Variants in PPA1 observed in about 807,000 individuals in gnomAD.
The protein encoded by PPA1 is inorganic pyrophosphatase.
In PPA1, 23 loss-of-function variants were observed where a neutral mutation model predicts 41.8. The ratio of observed to expected loss-of-function variants is 0.55; its 90% CI spans 0.40 to 0.78. The LOEUF is 0.78. Among genes scored for constraint, PPA1 ranks in the 30% least tolerant of loss-of-function variants. The pLI, the probability that PPA1 is intolerant of heterozygous loss-of-function variation, is 0.00. For missense variants in PPA1, 320 were observed against 361.6 expected (o/e 0.89, Z 0.93); for synonymous variants, 101 against 116.8 (o/e 0.86, Z 0.87).
intron 4 of PPA1, among the ~76,000 whole-genome samples, chr10:70,215,110 G>A (rs56366736): frequency 0.065 from 9,848 of 152,212 alleles, 438 homozygotes; most frequent in African/African-American, 0.13. Context: ...CAGGAGAATC[G>A]CTTGAACCCA....
At chr10:70,221,949 GA>G (rs1260966638) in intron 2 of PPA1, among the ~76,000 whole-genome samples, 80 of 152,082 alleles carry the variant, frequency 5.3e-4, no homozygotes, top group Admixed American at 8.5e-4. Context: ...TAATGGGAAG[GA>G]AAAAAATAAC....
At chr10:70,218,017 T>C in intron 3 of PPA1, 86 bp from the exon 4 acceptor site, 1 of 1,165,210 alleles carries the variant, frequency 8.6e-7, no homozygotes, top group Non-Finnish European at 1.2e-6. Flanking sequence ...TTATGGTACC[T>C]ATGTTCCCTA....
chr10:70,212,886 C>T (rs182233485), intron 6 of PPA1, among the ~76,000 whole-genome samples: 2 of 149,672 alleles, frequency 1.3e-5, no homozygotes, highest in Admixed American at 6.7e-5. Flanking sequence ...ATCCTGAAGA[C>T]ACTTACTTCG....
At chr10:70,220,257 T>C (rs1840123395) in intron 2 of PPA1, among the ~76,000 whole-genome samples, 3 of 141,596 alleles carry the variant, frequency 2.1e-5, no homozygotes, top group South Asian at 4.4e-4. Context: ...AAAGTACTTT[T>C]TTTTTTTTTT....
At chr10:70,218,093 C>T (rs774717852) in intron 3 of PPA1, among the ~76,000 whole-genome samples, 162 bp from the exon 4 acceptor site, 4 of 151,956 alleles carry the variant, frequency 2.6e-5, no homozygotes, top group African/African-American at 9.7e-5. Flanking sequence ...TTTCCATAAT[C>T]GGCCATTAAG....
intron 2 of PPA1, 54 bp from the exon 3 acceptor site, chr10:70,218,871 G>C: frequency 7.8e-7 from 1 of 1,288,656 alleles, no homozygotes; most frequent in Non-Finnish European, 1.1e-6. Context: ...TGTTCTCTGA[G>C]GGAGCATGCA....
rs1466496820 is a variant in PPA1, at chr10:70,218,834, A to C, written c.124-17T>G. ...AAACACATCCTGAAAAAACAAAGAG[A>C]AAGTGAGATGGTCACAGGAGCCAAT... On this transcript the variant is annotated splice_polypyrimidine_tract_variant and intron_variant, in intron 2 of 10. Transcript: ENST00000373232. The C allele has an allele frequency of 1.2e-6, 2 of 1,605,364 alleles. No individual in the cohort carries two copies. Among genetic ancestry groups the C allele is most frequent in the Non-Finnish European group, 1.7e-6 (2 of 1,172,914 alleles).
chr10:70,225,629 T>C (rs1840221765), intron 2 of PPA1, among the ~76,000 whole-genome samples: 1 of 150,412 alleles, frequency 6.6e-6, no homozygotes, highest in African/African-American at 2.4e-5. Context: ...AGCAAGAAAC[T>C]AATCCAAACC....
chr10:70,210,512 C>A, intron 6 of PPA1: 1 of 1,095,624 alleles, frequency 9.1e-7, no homozygotes. Context: ...AGGCACTGTA[C>A]ATAACAATAC....
chr10:70,233,292 G>T lies in PPA1; in HGVS notation c.36C>A (p.Pro12=). The change falls in exon 1 of 11, where the codon CCC becomes CCA. Residue 12 remains proline (P), a synonymous_variant. Coordinates refer to ENST00000373232, the MANE Select transcript of PPA1 (RefSeq NM_021129.4). ...SGFSTEERAA[P]FSLEYRVFLK... ...GGAAGACTCGGTACTCCAGGGAGAA[G>T]GGCGCGGCGCGCTCCTCGGTGCTGA... 6.5e-7 allele frequency: 1 copy of T among 1,543,036 alleles called. No homozygotes were observed.
At chr10:70,206,882 GAGGGGAGGGGAGGGGAGGAGAGGAC>G (rs1564580263) in intron 8 of PPA1, among the ~76,000 whole-genome samples, 28 of 84,154 alleles carry the variant, frequency 3.3e-4, no homozygotes, top group African/African-American at 5.8e-4. Context: ...GAGGGGAGGG[GAGGGGAGGGGAGGGGAGGAGAGGAC>G]GAAAGAAACT....
In PPA1 at chr10:70,209,269, T is replaced by C. The variant is rs768193013; in HGVS notation, c.661A>G (p.Lys221Glu). 1 of 1,597,136 alleles carries C rather than the reference T, an allele frequency of 6.3e-7. No homozygotes were observed. The highest frequency in any genetic ancestry group is 8.6e-7 in the Non-Finnish European group (1 of 1,165,650). Residue 221 changes from lysine (K) to glutamate (E), a missense_variant, in exon 8 of 11, where the codon AAA becomes GAA. Coordinates refer to ENST00000373232, the MANE Select transcript of PPA1 (RefSeq NM_021129.4). ...GCTTTCCAATGGTCATGAGTGCTTTTAATAATATCAATGGCAAAGTCCTAT... is the reference window on the plus strand; with the variant it reads ...GCTTTCCAATGGTCATGAGTGCTTTCAATAATATCAATGGCAAAGTCCTAT... ...KDKDFAIDII[K>E]STHDHWKALV... is the part of the protein sequence containing the mutation.
rs952892491 is a variant in PPA1, at chr10:70,210,561, A to T, written c.512-876T>A. ...GACAGAAAAGTGCACTGCTTTAAAA[A>T]TTTTAAGTTTCTGTATAGCCATCAA... On this transcript the variant is annotated intron_variant, in intron 6 of 10. Transcript: ENST00000373232. 7 of 647,462 alleles carry T rather than the reference A, an allele frequency of 1.1e-5. No individual in the cohort carries two copies. The African/African-American group carries it at 1.2e-4, about 11-fold the overall frequency. The allele number at this position is 647,462 out of a possible 1,614,324, so 40.1% of individuals were successfully genotyped here.
rs970633434 is a variant in PPA1, at chr10:70,233,359, A to G, written c.-32T>C. 8 of 1,530,858 alleles carry G rather than the reference A, an allele frequency of 5.2e-6. No homozygotes were observed. The highest frequency in any genetic ancestry group is 6.1e-6 in the Non-Finnish European group (7 of 1,141,584). The allele number at this position is 1,530,858 out of a possible 1,614,324, so 94.8% of individuals were successfully genotyped here. ...GGAGTCCTGCCGCCGCCGCTGCCAC[A>G]GAGCCACCAGCCCGCACGCGGCGCC... On this transcript the variant is annotated 5_prime_UTR_variant, in exon 1 of 11. Coordinates refer to ENST00000373232, the MANE Select transcript of PPA1 (RefSeq NM_021129.4).
At chr10:70,215,163 C>T (rs1840065061) in intron 4 of PPA1, among the ~76,000 whole-genome samples, 1 of 152,166 alleles carries the variant, frequency 6.6e-6, no homozygotes, top group South Asian at 2.1e-4. Flanking sequence ...CCACTGCACT[C>T]CAGCCTGGGC....
At chr10:70,229,145 A>G (rs1326959713) in intron 2 of PPA1, among the ~76,000 whole-genome samples, 1 of 152,252 alleles carries the variant, frequency 6.6e-6, no homozygotes, top group African/African-American at 2.4e-5. Context: ...GGAGAGTAAG[A>G]AAAGATGTGT....
chr10:70,214,629 C>CA (rs1840058973), intron 4 of PPA1, 43 bp from the exon 5 acceptor site: 1 of 1,448,370 alleles, frequency 6.9e-7, no homozygotes, highest in Non-Finnish European at 9.6e-7. Context: ...TACATACTGA[C>CA]AAAATGGATC....
rs1554830595 is a variant in PPA1, at chr10:70,220,925, T to TA, written c.124-2109_124-2108insT. On this transcript the variant is annotated intron_variant, in intron 2 of 10. Transcript: ENST00000373232. ...AATTTATATATAATATATATAATTT[T>TA]TATATATACTATATATATAATTTAT... 2.8e-3 allele frequency among the ~76,000 whole-genome samples: 14 copies of TA among 5,074 alleles called. 1 individual carries two copies. The highest frequency in any genetic ancestry group is 0.013 in the African/African-American group (14 of 1,110). The allele number at this position is 5,074 out of a possible 152,430, so 3.3% of individuals were successfully genotyped here. A position where few individuals can be genotyped will look rare whatever the true frequency, so the allele number is the denominator to read the frequency against.
At chr10:70,211,401 G>A (rs781756596) in intron 6 of PPA1, among the ~76,000 whole-genome samples, 23 of 152,178 alleles carry the variant, frequency 1.5e-4, no homozygotes, top group Non-Finnish European at 3.1e-4. Flanking sequence ...TCACAAGACT[G>A]CCCCACTTCA....
Sources: gnomAD v4.1 joint callset for allele counts (sites outside exome capture counted in the v4.1 genomes callset) on GRCh38, gnomAD v4.1.1 for gene constraint, MANE v1.5 for transcripts, NCBI Gene and HGNC (gene_info 2026-07-23, HGNC 2026-07-21) for gene names.